The following IFI27 variants were observed in gnomAD, a reference collection of about 807,000 sequenced individuals.
IFI27 encodes interferon alpha-inducible protein 27, mitochondrial.
IFI27 carries 3 observed loss-of-function variants against 8.9 expected under a neutral mutation model. The observed-to-expected ratio is 0.34, with a 90% CI of 0.15 to 0.87. The LOEUF (loss-of-function observed/expected upper bound fraction) is 0.87, where lower values mean the gene tolerates loss of function less well. Ranked by LOEUF, IFI27 falls within the 40% of genes least tolerant of loss-of-function variation. The pLI, the probability that IFI27 is intolerant of heterozygous loss-of-function variation, is 0.51. For missense variants in IFI27, 152 were observed against 157.7 expected, an observed-to-expected ratio of 0.96 and a Z score of 0.19; for synonymous variants, 66 against 67.3, an observed-to-expected ratio of 0.98 and a Z score of 0.09.
At chr14:94,109,670 AT>A (rs139293435), upstream of IFI27, among the ~76,000 whole-genome samples, 618 of 152,236 alleles carry the variant, frequency 4.1e-3, 6 homozygotes, top group African/African-American at 0.015. Context: ...GTTTGGAAAC[AT>A]TTCTTGTGAT....
Position 94,116,078 on chromosome 14 carries a change from T to A in IFI27, c.283+136T>A. The A allele has an allele frequency of 9.9e-7, 1 of 1,006,302 alleles. No individual in the cohort carries two copies. The highest frequency in any genetic ancestry group is 1.5e-6 in the Non-Finnish European group (1 of 662,162). 62.3% of individuals were successfully genotyped at this position (1,006,302 alleles called of 1,614,324 possible). On this transcript the variant is annotated intron_variant, in intron 4 of 4. Coordinates refer to ENST00000621160, the Ensembl canonical transcript of IFI27. This position sits in a 1 kb window ranked among gnomAD's most constrained non-coding sequence, Gnocchi z 4.3. The stretch of plus-strand genomic sequence containing the variant: ...TCTCTCTACACATTCTCTCAGGGTT[T>A]CTCTGAGGGAGATGGAGGAGGGAGG...
chr14:94,109,404 G>GGGAAAGGGAAAGGAAA (rs1887082331), upstream of IFI27, among the ~76,000 whole-genome samples: 3 of 146,152 alleles, frequency 2.1e-5, no homozygotes, highest in African/African-American at 7.8e-5. Context: ...GCAAGGGCAA[G>GGGAAAGGGAAAGGAAA]GGAAAGGAAA....
At chr14:94,115,753 G>A (rs376198220) in intron 3 of IFI27, 28 bp from the exon 4 acceptor site, 36 of 1,596,974 alleles carry the variant, frequency 2.3e-5, no homozygotes, top group African/African-American at 2.2e-4. Flanking sequence ...CTGAGCCCAC[G>A]CACCGACCCA....
At position 94,111,500 on chromosome 14, in the gene IFI27, C is replaced by T; in HGVS notation, c.-58-125C>T. ...CCCTCACCCCAGGATCCTTTCAAGG[C>T]CTGCTGCTCCACAAGCTCAGAGCAG... On this transcript the variant is annotated intron_variant, in intron 1 of 4. Transcript: ENST00000621160. The surrounding 1 kb of genome is among the most constrained non-coding windows in gnomAD (Gnocchi z 4.3). The T allele has an allele frequency of 3.3e-6, 2 of 608,032 alleles. No individual in the cohort carries two copies. Among genetic ancestry groups the T allele is most frequent in the East Asian group, 2.8e-5 (1 of 36,190 alleles). 37.7% of individuals were successfully genotyped at this position (608,032 alleles called of 1,614,324 possible). A position where few individuals can be genotyped will look rare whatever the true frequency, so the allele number is the denominator to read the frequency against.
rs1887180870 is a variant in IFI27, at chr14:94,111,474, T to C, written c.-58-151T>C. Among the ~76,000 whole-genome samples, 1 of 151,810 alleles carries C rather than the reference T, an allele frequency of 6.6e-6. No homozygotes were observed. Among genetic ancestry groups the C allele is most frequent in the African/African-American group, 2.4e-5 (1 of 41,346 alleles). On this transcript the variant is annotated intron_variant, in intron 1 of 4. Coordinates refer to ENST00000621160, the Ensembl canonical transcript of IFI27. This position sits in a 1 kb window ranked among gnomAD's most constrained non-coding sequence, Gnocchi z 4.3. ...GCCCCAACTCCCCAACATCCCTCCC[T>C]CCCTCACCCCAGGATCCTTTCAAGG...
intron 2 of IFI27, chr14:94,114,586 C>T: frequency 3.9e-6 from 2 of 516,098 alleles, no homozygotes; most frequent in Non-Finnish European, 6.9e-6. Context: ...CATCTGATTC[C>T]CCCGATCAAC....
upstream of IFI27, chr14:94,110,610 G>A (rs534418323): frequency 6.6e-6 from 1 of 152,276 alleles, no homozygotes; most frequent in East Asian, 1.9e-4. Context: ...GCGCATGAGG[G>A]GAGAAAGATG....
rs1220188997 is a variant in IFI27, at chr14:94,115,952, C to T, written c.283+10C>T. ...ACTCTGCAGTCACTGGGTAAGTATC[C>T]TGGCGGGGCTTGCTGGGGAGGGCGA... On this transcript the variant is annotated intron_variant, in intron 4 of 4. Transcript: ENST00000621160. 1 of 1,564,962 alleles carries T rather than the reference C, an allele frequency of 6.4e-7. No homozygotes were observed. The highest frequency in any genetic ancestry group is 1.4e-5 in the African/African-American group (1 of 73,760).
upstream of IFI27, among the ~76,000 whole-genome samples, chr14:94,106,254 G>A (rs763675088): frequency 6.6e-6 from 1 of 152,148 alleles, no homozygotes; most frequent in Non-Finnish European, 1.5e-5. Flanking sequence ...ATCACCTTTG[G>A]GGTTATGATT....
Position 94,111,597 on chromosome 14 carries a change from C to T in IFI27, c.-58-28C>T, listed in dbSNP as rs1056499103. On this transcript the variant is annotated intron_variant, in intron 1 of 4. Coordinates refer to ENST00000621160, the Ensembl canonical transcript of IFI27. This position sits in a 1 kb window ranked among gnomAD's most constrained non-coding sequence, Gnocchi z 4.3. The stretch of plus-strand genomic sequence containing the variant: ...AGCAAGTCAGGTTGTGTGCCCATCC[C>T]GTCCTCAGAGCTCCATCCCTTCGGC... The T allele has an allele frequency of 5.3e-5, 58 of 1,101,510 alleles. No homozygotes were observed. In the Admixed American group the frequency reaches 8.5e-4, roughly 16 times the overall value. The allele number at this position is 1,101,510 out of a possible 1,614,324, so 68.2% of individuals were successfully genotyped here.
chr14:94,115,001 G>T (rs1887336287), intron 3 of IFI27, 121 bp downstream of exon 3: 3 of 870,916 alleles, frequency 3.4e-6, no homozygotes, highest in Non-Finnish European at 5.8e-6. Context: ...AGGAGGTGGG[G>T]ATGAGGGGCT....
upstream of IFI27, among the ~76,000 whole-genome samples, chr14:94,110,473 G>T (rs1361074541): frequency 6.6e-6 from 1 of 152,176 alleles, no homozygotes; most frequent in Non-Finnish European, 1.5e-5. Context: ...TACTTCTTGT[G>T]ACTTCATTCT....
In IFI27 at chr14:94,116,030, C is replaced by T; in HGVS notation, c.283+88C>T. On this transcript the variant is annotated intron_variant, in intron 4 of 4. Coordinates refer to ENST00000621160, the Ensembl canonical transcript of IFI27. This position sits in a 1 kb window ranked among gnomAD's most constrained non-coding sequence, Gnocchi z 4.3. ...CAGTCCCAATCTCAACCCTATGAAC[C>T]TCAATCTCCCTGTTCCTCTGTCTCT... 8.2e-7 allele frequency: 1 copy of T among 1,217,174 alleles called. No homozygotes were observed. Among genetic ancestry groups the T allele is most frequent in the Non-Finnish European group, 1.2e-6 (1 of 850,604 alleles). The allele number at this position is 1,217,174 out of a possible 1,614,324, so 75.4% of individuals were successfully genotyped here.
In IFI27 at chr14:94,111,546, C is replaced by T; in HGVS notation, c.-58-79C>T. 1.4e-6 allele frequency: 1 copy of T among 701,440 alleles called. No homozygotes were observed. The highest frequency in any genetic ancestry group is 2.1e-5 in the Admixed American group (1 of 47,122). 43.5% of individuals were successfully genotyped at this position (701,440 alleles called of 1,614,324 possible). ...AGCAGCCTCCCTAGCCCCCTGGAGC[C>T]CGTCACATTTTTCAGGACAGTGGGA... On this transcript the variant is annotated intron_variant, in intron 1 of 4. Coordinates refer to ENST00000621160, the Ensembl canonical transcript of IFI27. This position sits in a 1 kb window ranked among gnomAD's most constrained non-coding sequence, Gnocchi z 4.3.
rs530336883 is a variant in IFI27 at position 94,111,177 on chromosome 14, T to C, written c.-59+380T>C. Among the ~76,000 whole-genome samples, 13 of 152,298 alleles carry C rather than the reference T, an allele frequency of 8.5e-5. No individual in the cohort carries two copies. In the South Asian group the frequency reaches 2.3e-3, roughly 27 times the overall value. On this transcript the variant is annotated intron_variant, in intron 1 of 4. Transcript: ENST00000621160. This position sits in a 1 kb window ranked among gnomAD's most constrained non-coding sequence, Gnocchi z 4.3. ...AATCACTGAGCCAGATCGCGCTCCC[T>C]CATCTGTAACATGCGGAGGAGGAGG...
At position 94,111,740 on chromosome 14, in the gene IFI27, G is replaced by T. The variant is rs760720351; in HGVS notation, c.58G>T (p.Val20Leu). The change falls in exon 2 of 5, where the codon GTG (valine) becomes TTG (leucine). Residue 20 changes from valine to leucine, a missense_variant. Coordinates refer to ENST00000621160, the Ensembl canonical transcript of IFI27. This position sits in a 1 kb window ranked among gnomAD's most constrained non-coding sequence, Gnocchi z 4.3. ...GACCAGTGTGGCCAAAGTGGTCAGGGTGGCCTCTGGCTCTGCCGTAGTTTT... is the reference window on the plus strand; with the variant it reads ...GACCAGTGTGGCCAAAGTGGTCAGGTTGGCCTCTGGCTCTGCCGTAGTTTT... 2 of 1,614,110 alleles carry T rather than the reference G, an allele frequency of 1.2e-6. No individual in the cohort carries two copies. Among genetic ancestry groups the T allele is most frequent in the Admixed American group, 1.7e-5 (1 of 60,014 alleles).
chr14:94,114,531 T>A, intron 2 of IFI27: 1 of 398,248 alleles, frequency 2.5e-6, no homozygotes, highest in Non-Finnish European at 4.6e-6. Flanking sequence ...ATTCTGCTTT[T>A]TGTTTGAGCT....
chr14:94,116,371 C>A lies in IFI27; in HGVS notation c.284-71C>A. 2.8e-6 allele frequency: 3 copies of A among 1,082,042 alleles called. No individual in the cohort carries two copies. The highest frequency in any genetic ancestry group is 1.9e-5 in the Admixed American group (1 of 51,396). The allele number at this position is 1,082,042 out of a possible 1,614,324, so 67.0% of individuals were successfully genotyped here. Reference sequence around the variant, plus strand: ...TGCTGAGGGTCACTGGAGTCTCTGACCCCACAGTCCTGCCCACAGAGCTTC... The same window carrying A: ...TGCTGAGGGTCACTGGAGTCTCTGAACCCACAGTCCTGCCCACAGAGCTTC... On this transcript the variant is annotated intron_variant, in intron 4 of 4. Transcript: ENST00000621160. The surrounding 1 kb of genome is among the most constrained non-coding windows in gnomAD (Gnocchi z 4.3).
intron 3 of IFI27, chr14:94,115,393 T>C: frequency 1.9e-6 from 1 of 534,862 alleles, no homozygotes; most frequent in Non-Finnish European, 3.6e-6. Flanking sequence ...ATGTGCCTCT[T>C]ACATAATCTC....
Sources: allele counts gnomAD v4.1 joint callset (sites outside exome capture counted in the v4.1 genomes callset), GRCh38; gene constraint gnomAD v4.1.1; non-coding constraint Gnocchi (gnomAD v3.1); transcripts MANE v1.5; gene names NCBI Gene and HGNC (gene_info 2026-07-23, HGNC 2026-07-21).